Variants in RPL13 observed in about 807,000 individuals in gnomAD.
RPL13 encodes the protein large ribosomal subunit protein eL13.
Under a neutral mutation model 21.4 loss-of-function variants are expected in RPL13, and 1 was observed. The observed-to-expected ratio is 0.05, with a 90% CI of 0.02 to 0.22. The LOEUF is 0.22. RPL13 is among the 10% of genes least tolerant of loss of function. The pLI is 1.00. For missense variants in RPL13, 289 were observed against 303.0 expected (o/e 0.95, Z 0.34); for synonymous variants, 143 against 120.5 (o/e 1.19, Z -1.23).
In RPL13 at chr16:89,561,321, C is replaced by T. The variant is rs2058742590; in HGVS notation, c.199C>T (p.His67Tyr). 1 of 1,593,822 alleles carries T rather than the reference C, an allele frequency of 6.3e-7. No individual in the cohort carries two copies. The highest frequency in any genetic ancestry group is 8.5e-7 in the Non-Finnish European group (1 of 1,174,730). ...PIVRCPTVRY[H>Y]TKVRAGRGFS... ...CGTGCGCTGCCCCACGGTTCGGTACCACACGAAGGTGCGCGCCGGCCGCGG... is the reference window on the plus strand; with the variant it reads ...CGTGCGCTGCCCCACGGTTCGGTACTACACGAAGGTGCGCGCCGGCCGCGG... Residue 67 changes from histidine (H) to tyrosine (Y), a missense_variant, in exon 3 of 6, where the codon CAC (histidine) becomes TAC (tyrosine). By Grantham distance (83) the His-to-Tyr change is moderately conservative. Transcript: ENST00000311528.
In RPL13 at chr16:89,561,017, C is replaced by T. The variant is rs1419185429; in HGVS notation, c.58C>T (p.Arg20Trp). 4 of 1,606,800 alleles carry T rather than the reference C, an allele frequency of 2.5e-6. No homozygotes were observed. In the South Asian group the frequency reaches 3.3e-5, roughly 13 times the overall value. Residue 20 changes from arginine to tryptophan, a missense_variant, in exon 2 of 6, where the codon CGG (arginine) becomes TGG (tryptophan). Transcript: ENST00000311528. ...GCCCCACTTCCACAAGGACTGGCAG[C>T]GGCGCGTGGCCACGTGGTTCAACCA... ...LKPHFHKDWQ[R>W]RVATWFNQPA...
In RPL13 at chr16:89,562,871, C is replaced by T. The variant is rs766460966; in HGVS notation, c.478-13C>T. 2 of 1,531,624 alleles carry T rather than the reference C, an allele frequency of 1.3e-6. No homozygotes were observed. The highest frequency in any genetic ancestry group is 1.8e-4 in the Middle Eastern group (1 of 5,704). 94.9% of individuals were successfully genotyped at this position (1,531,624 alleles called of 1,614,324 possible). A position where few individuals can be genotyped will look rare whatever the true frequency, so the allele number is the denominator to read the frequency against. On this transcript the variant is annotated splice_polypyrimidine_tract_variant and intron_variant, in intron 5 of 5. Transcript: ENST00000311528. Reference sequence around the variant, plus strand: ...GGTGCATGTGGGTTTAACAACCTGTCTTTCTCTTCTAGGTCTATAAGAAGG... The same window carrying T: ...GGTGCATGTGGGTTTAACAACCTGTTTTTCTCTTCTAGGTCTATAAGAAGG...
chr16:89,561,596 A>G lies in RPL13; in HGVS notation c.265A>G (p.Lys89Glu). ...GGGGCAGGTGGCCGGCATTCACAAG[A>G]AGGTGGCCCGGACCATCGGCATTTC... is the stretch of plus-strand genomic sequence containing the variant. ...EELRVAGIHK[K>E]VARTIGISVD... is the part of the protein sequence containing the mutation. The change falls in exon 4 of 6, where the codon AAG (lysine) becomes GAG (glutamate). Residue 89 changes from lysine to glutamate, a missense_variant. Lys to Glu is a moderately conservative substitution (Grantham distance 56). Transcript: ENST00000311528. 1 of 1,613,522 alleles carries G rather than the reference A, an allele frequency of 6.2e-7. No homozygotes were observed. The highest frequency in any genetic ancestry group is 2.2e-5 in the East Asian group (1 of 44,882).
intron 4 of RPL13, chr16:89,562,071 T>C (rs1294469867): frequency 5.1e-6 from 3 of 587,026 alleles, no homozygotes; most frequent in Non-Finnish European, 5.9e-6. Flanking sequence ...TTCCGGGTAG[T>C]TAAATTAGGG....
intron 2 of RPL13, 78 bp from the exon 3 acceptor site, chr16:89,561,149 C>CGCT (rs1354428061): frequency 2.0e-6 from 3 of 1,514,266 alleles, no homozygotes; most frequent in Non-Finnish European, 2.6e-6. Context: ...GGGCGGGGGG[C>CGCT]GCTGTCTGCA....
At chr16:89,566,017 T>G (rs138800827), downstream of RPL13, 1 of 152,130 alleles carries the variant, frequency 6.6e-6, no homozygotes, top group African/African-American at 2.4e-5. Context: ...TCCTTCGGGG[T>G]GTGAGCATTT....
At chr16:89,561,452 T>A in intron 3 of RPL13, 84 bp downstream of exon 3, 1 of 1,612,362 alleles carries the variant, frequency 6.2e-7, no homozygotes, top group East Asian at 2.2e-5. Context: ...TTCTCCGGAA[T>A]CGCTGTACGG....
chr16:89,560,787 G>T (rs889325104), intron 1 of RPL13, 75 bp downstream of exon 1: 65 of 552,734 alleles, frequency 1.2e-4, no homozygotes, highest in Non-Finnish European at 1.6e-4. Flanking sequence ...ACGCGGGAGT[G>T]GATGGGCCCC....
rs368145744 is a variant in RPL13, at chr16:89,563,012, C to T, written c.606C>T (p.Ala202=). 1.8e-5 allele frequency: 28 copies of T among 1,560,888 alleles called. No individual in the cohort carries two copies. Among genetic ancestry groups the T allele is most frequent in the African/African-American group, 5.6e-5 (4 of 72,040 alleles). ...TACGGGCAAAAAGAGCCAAGGAAGC[C>T]GCAGAACAGGATGTTGAAAAGAAAA... ...FGIRAKRAKE[A]AEQDVEKKK is the part of the protein sequence containing the mutation. The change falls in exon 6 of 6, where the codon GCC becomes GCT. Residue 202 remains alanine, a synonymous_variant. Coordinates refer to ENST00000311528, the MANE Select transcript of RPL13 (RefSeq NM_000977.4).
chr16:89,564,708 C>G (rs1343842635), downstream of RPL13: 1 of 152,270 alleles, frequency 6.6e-6, no homozygotes, highest in Admixed American at 6.5e-5. Flanking sequence ...GCTCGAATCC[C>G]TCTCACGTGA....
At chr16:89,562,731 G>C in intron 5 of RPL13, 153 bp from the exon 6 acceptor site, 1 of 718,286 alleles carries the variant, frequency 1.4e-6, no homozygotes, top group Non-Finnish European at 2.2e-6. Flanking sequence ...TAAATCCCAG[G>C]GAAGGTGATT....
chr16:89,562,015 G>A lies in RPL13; in HGVS notation c.420+264G>A. The A allele has an allele frequency of 5.1e-6, 3 of 589,280 alleles. No individual in the cohort carries two copies. The South Asian group carries it at 6.5e-5, about 13-fold the overall frequency. The allele number at this position is 589,280 out of a possible 1,614,324, so 36.5% of individuals were successfully genotyped here. On this transcript the variant is annotated intron_variant, in intron 4 of 5. Coordinates refer to ENST00000311528, the MANE Select transcript of RPL13 (RefSeq NM_000977.4). ...TGCTTCGTATTCCAAAATATTTCTA[G>A]AAAGACCTTGTAGGATAAGGTTGAT...
Position 89,563,982 on chromosome 16 carries a change from G to A in RPL13, c.*940G>A, listed in dbSNP as rs1181951063. The A allele has an allele frequency of 6.6e-6, 1 of 152,186 alleles. No homozygotes were observed. Among genetic ancestry groups the A allele is most frequent in the African/African-American group, 2.4e-5 (1 of 41,440 alleles). The allele number at this position is 152,186 out of a possible 1,614,324, so 9.4% of individuals were successfully genotyped here. ...AAGAGGCAGCCAGAGAGAGTGCCAGGGTGCCCTGGTCTGAGCTGGCATCCC... is the reference window on the plus strand; with the variant it reads ...AAGAGGCAGCCAGAGAGAGTGCCAGAGTGCCCTGGTCTGAGCTGGCATCCC... On this transcript the variant is annotated 3_prime_UTR_variant, in exon 6 of 6. Transcript: ENST00000311528.
rs963899617 is a variant in RPL13 at position 89,563,915 on chromosome 16, TAAACAA to T, written c.*879_*884del. 1 of 152,224 alleles carries T rather than the reference TAAACAA, an allele frequency of 6.6e-6. No individual in the cohort carries two copies. The highest frequency in any genetic ancestry group is 1.5e-5 in the Non-Finnish European group (1 of 68,048). 9.4% of individuals were successfully genotyped at this position (152,224 alleles called of 1,614,324 possible). On this transcript the variant is annotated 3_prime_UTR_variant, in exon 6 of 6. Coordinates refer to ENST00000311528, the MANE Select transcript of RPL13 (RefSeq NM_000977.4). ...CCTGCCAAGTGTCGGCCTCTCCTGT[TAAACAA>T]AAACATTCTAAAGCCATTGTTCTTG...
At chr16:89,561,137 C>A in intron 2 of RPL13, 74 bp downstream of exon 2, 13 of 1,525,578 alleles carry the variant, frequency 8.5e-6, no homozygotes, top group Non-Finnish European at 1.1e-5. Context: ...TGGCCGATGC[C>A]AGGGCGGGGG....
chr16:89,562,774 C>A, intron 5 of RPL13, 110 bp from the exon 6 acceptor site: 2 of 1,156,640 alleles, frequency 1.7e-6, no homozygotes, highest in Non-Finnish European at 2.4e-6. Flanking sequence ...GTACTTATGG[C>A]AGCGAACCTG....
chr16:89,561,575 C>T lies in RPL13; in HGVS notation c.247-3C>T. On this transcript the variant is annotated splice_polypyrimidine_tract_variant and splice_region_variant and intron_variant, in intron 3 of 5. Coordinates refer to ENST00000311528, the MANE Select transcript of RPL13 (RefSeq NM_000977.4). The stretch of plus-strand genomic sequence containing the variant: ...TCTCCATCTCTCTCTGGTTCTGGGG[C>T]AGGTGGCCGGCATTCACAAGAAGGT... 1.2e-6 allele frequency: 2 copies of T among 1,613,414 alleles called. No individual in the cohort carries two copies. The highest frequency in any genetic ancestry group is 1.1e-5 in the South Asian group (1 of 91,088).
At position 89,562,422 on chromosome 16, in the gene RPL13, CAGACG is replaced by C. The variant is rs769963799; in HGVS notation, c.477+35_477+39del. Reference sequence around the variant, plus strand: ...TGAACACTTACTCAAATCCAGGCTTCAGACGAGATCAGTGGGTGAACACGTGGGTA... The same window carrying C: ...TGAACACTTACTCAAATCCAGGCTTCAGATCAGTGGGTGAACACGTGGGTA... On this transcript the variant is annotated intron_variant, in intron 5 of 5. Coordinates refer to ENST00000311528, the MANE Select transcript of RPL13 (RefSeq NM_000977.4). 132 of 1,604,046 alleles carry C rather than the reference CAGACG, an allele frequency of 8.2e-5. No homozygotes were observed. The African/African-American group carries it at 1.4e-3, about 17-fold the overall frequency.
chr16:89,562,952 C>T lies in RPL13; in HGVS notation c.546C>T (p.Leu182=). The change falls in exon 6 of 6, where the codon CTC becomes CTT. Residue 182 remains leucine, a synonymous_variant. Coordinates refer to ENST00000311528, the MANE Select transcript of RPL13 (RefSeq NM_000977.4). The part of the protein sequence containing the change: ...EEKNFKAFAS[L]RMARANARLF... ...AGAATTTCAAAGCCTTCGCTAGTCTCCGTATGGCCCGTGCCAACGCCCGGC... is the reference window on the plus strand; with the variant it reads ...AGAATTTCAAAGCCTTCGCTAGTCTTCGTATGGCCCGTGCCAACGCCCGGC... The T allele has an allele frequency of 5.0e-6, 8 of 1,600,434 alleles. No homozygotes were observed. The highest frequency in any genetic ancestry group is 6.8e-6 in the Non-Finnish European group (8 of 1,173,894).
Sources: gnomAD v4.1 joint callset for allele counts on GRCh38, gnomAD v4.1.1 for gene constraint, MANE v1.5 for transcripts, NCBI Gene and HGNC (gene_info 2026-07-23, HGNC 2026-07-21) for gene names.